The following SPMIP4 variants were observed in gnomAD, a reference collection of about 807,000 sequenced individuals.
SPMIP4 encodes the protein sperm-associated microtubule inner protein 4.
the SPMIP4 span, among the ~76,000 whole-genome samples, chr7:25,154,036 G>C: frequency 1.3e-5 from 2 of 152,236 alleles, no homozygotes. Context: ...AAGCAGAACA[G>C]AGGAGTTCAG....
the SPMIP4 span, among the ~76,000 whole-genome samples, chr7:25,145,126 C>T: frequency 6.6e-6 from 1 of 152,070 alleles, no homozygotes; most frequent in African/African-American, 2.4e-5. Flanking sequence ...CCACGCCCGG[C>T]TAATTTTTGT....
the SPMIP4 span, among the ~76,000 whole-genome samples, chr7:25,140,937 C>T: frequency 6.6e-6 from 1 of 152,030 alleles, no homozygotes; most frequent in East Asian, 1.9e-4. Context: ...AGATGTTTTT[C>T]CTTGTGTTTT....
the SPMIP4 span, among the ~76,000 whole-genome samples, chr7:25,129,240 T>A: frequency 6.6e-6 from 1 of 152,228 alleles, no homozygotes; most frequent in Non-Finnish European, 1.5e-5. Flanking sequence ...ATTCTGCCTT[T>A]CAAGTTTATT....
At chr7:25,172,349 G>A in the SPMIP4 span, among the ~76,000 whole-genome samples, 1 of 152,158 alleles carries the variant, frequency 6.6e-6, no homozygotes, top group Non-Finnish European at 1.5e-5. This position sits in a 1 kb window ranked among gnomAD's most constrained non-coding sequence, Gnocchi z 4.2. Context: ...GAGATGAGAG[G>A]AGCCAGCAGG....
At chr7:25,144,949 TAAG>T in the SPMIP4 span, among the ~76,000 whole-genome samples, 5 of 129,894 alleles carry the variant, frequency 3.8e-5, no homozygotes, top group African/African-American at 1.5e-4. Context: ...TACTTGGAAA[TAAG>T]AAGGACTGTT....
the SPMIP4 span, among the ~76,000 whole-genome samples, chr7:25,166,948 A>G: frequency 6.6e-6 from 1 of 152,218 alleles, no homozygotes; most frequent in East Asian, 1.9e-4. Context: ...AAGTGGAACA[A>G]GTATTTTCTC....
chr7:25,126,978 T>C, the SPMIP4 span, among the ~76,000 whole-genome samples: 2,102 of 152,324 alleles, frequency 0.014, 53 homozygotes, highest in African/African-American at 0.047. Context: ...ATAAAAGTTT[T>C]TTCCCTCAGC....
the SPMIP4 span, chr7:25,179,524 T>C: frequency 2.4e-6 from 1 of 411,912 alleles, no homozygotes; most frequent in Non-Finnish European, 4.2e-6. Context: ...CTGAAACAAA[T>C]CCACAAAGTG....
At chr7:25,153,338 C>T in the SPMIP4 span, among the ~76,000 whole-genome samples, 87,981 of 151,454 alleles carry the variant, frequency 0.58, 25,804 homozygotes, top group Middle Eastern at 0.64. Context: ...CTGAGGCGGG[C>T]AGATCACTTG....
the SPMIP4 span, among the ~76,000 whole-genome samples, chr7:25,163,010 C>T: frequency 6.6e-6 from 1 of 152,202 alleles, no homozygotes; most frequent in African/African-American, 2.4e-5. This position sits in a 1 kb window ranked among gnomAD's most constrained non-coding sequence, Gnocchi z 4.4. Context: ...GTCCGCCCAC[C>T]TCAGCCTCCC....
chr7:25,139,158 TAAAAG>T, the SPMIP4 span, among the ~76,000 whole-genome samples: 54 of 152,120 alleles, frequency 3.5e-4, no homozygotes, highest in African/African-American at 1.2e-3. Flanking sequence ...TATTTCATCT[TAAAAG>T]AAAAAAAAAC....
the SPMIP4 span, among the ~76,000 whole-genome samples, chr7:25,133,519 A>C: frequency 3.2e-4 from 48 of 152,204 alleles, no homozygotes; most frequent in Non-Finnish European, 5.4e-4. Context: ...TATTTAGAAG[A>C]TCTCTCAGAT....
chr7:25,163,861 G>A, the SPMIP4 span, among the ~76,000 whole-genome samples: 4 of 152,096 alleles, frequency 2.6e-5, no homozygotes, highest in African/African-American at 9.7e-5. The surrounding 1 kb of genome is among the most constrained non-coding windows in gnomAD (Gnocchi z 4.4). Context: ...AACATCATCA[G>A]TAAACTTACT....
the SPMIP4 span, among the ~76,000 whole-genome samples, chr7:25,157,617 G>C: frequency 6.6e-6 from 1 of 152,152 alleles, no homozygotes; most frequent in African/African-American, 2.4e-5. Flanking sequence ...AGCCCAATTT[G>C]GGGGCATTCT....
chr7:25,126,297 C>T, the SPMIP4 span, among the ~76,000 whole-genome samples: 8 of 152,082 alleles, frequency 5.3e-5, no homozygotes, highest in African/African-American at 1.2e-4. Flanking sequence ...AATGTCTCAG[C>T]CCCCCAAGTA....
At chr7:25,134,914 C>G in the SPMIP4 span, 1 of 985,248 alleles carries the variant, frequency 1.0e-6, no homozygotes, top group East Asian at 1.1e-4. Context: ...CTTTTACTTC[C>G]TGTCATAATG....
chr7:25,140,578 A>G, the SPMIP4 span, among the ~76,000 whole-genome samples: 1 of 151,588 alleles, frequency 6.6e-6, no homozygotes, highest in African/African-American at 2.4e-5. Flanking sequence ...CTGGGATTAT[A>G]GGCAAGAGCC....
chr7:25,142,775 G>A, the SPMIP4 span: 1 of 1,577,070 alleles, frequency 6.3e-7, no homozygotes, highest in South Asian at 1.2e-5. Flanking sequence ...GGAGGTTTTG[G>A]GTAGAATACT....
chr7:25,143,862 G>A, the SPMIP4 span, among the ~76,000 whole-genome samples: 8 of 152,134 alleles, frequency 5.3e-5, no homozygotes, highest in Admixed American at 4.6e-4. Flanking sequence ...CCTATCAAGC[G>A]TTAGGATTAT....
Sources: gnomAD v4.1 joint callset for allele counts (sites outside exome capture counted in the v4.1 genomes callset) on GRCh38, gnomAD v4.1.1 for gene constraint, Gnocchi (gnomAD v3.1) non-coding constraint, MANE v1.5 for transcripts, NCBI Gene and HGNC (gene_info 2026-07-23, HGNC 2026-07-21) for gene names.